The following NTN5 variants were observed in gnomAD, a reference collection of about 807,000 sequenced individuals.
NTN5 encodes netrin-5.
NTN5 carries 42 observed loss-of-function variants against 38.7 expected under a neutral mutation model. The ratio of observed to expected loss-of-function variants is 1.08; its 90% CI spans 0.85 to 1.40. The LOEUF is 1.40. NTN5 is among the 40% of genes most tolerant of loss of function. The pLI is 0.00. For missense variants in NTN5, 658 were observed against 716.5 expected (o/e 0.92, Z 0.93); for synonymous variants, 329 against 303.9 (o/e 1.08, Z -0.86).
At chr19:48,664,457 C>A in intron 3 of NTN5, 122 bp downstream of exon 3, 2 of 1,214,498 alleles carry the variant, frequency 1.6e-6, no homozygotes, top group Non-Finnish European at 2.2e-6. Flanking sequence ...GGCCCAGAGT[C>A]CAGGCCCCCA....
chr19:48,671,097 C>A, intron 1 of NTN5, 91 bp from the exon 2 acceptor site: 1 of 931,504 alleles, frequency 1.1e-6, no homozygotes, highest in Non-Finnish European at 1.5e-6. Context: ...CATTCCACCC[C>A]CAACCCGTCC....
intron 1 of NTN5, among the ~76,000 whole-genome samples, chr19:48,671,913 C>T (rs2031973295): frequency 7.0e-6 from 1 of 143,858 alleles, no homozygotes; most frequent in African/African-American, 2.6e-5. Context: ...GGAGCTGGAA[C>T]CTGGGTGGCT....
chr19:48,669,715 TCACCAC>T lies in NTN5; in HGVS notation c.631+635_631+640del, dbSNP rs1160000937. On this transcript the variant is annotated intron_variant, in intron 2 of 6. Coordinates refer to ENST00000270235, the MANE Select transcript of NTN5 (RefSeq NM_145807.4). ...ACCACCATCATCACCATCACCACCA[TCACCAC>T]CACCACCACCATCACCATCACCACC... Among the ~76,000 whole-genome samples the T allele has an allele frequency of 1.5e-4, 6 of 40,232 alleles. 1 individual carries two copies. The highest frequency in any genetic ancestry group is 1.5e-4 in the Non-Finnish European group (3 of 20,012). 26.4% of individuals were successfully genotyped at this position (40,232 alleles called of 152,430 possible).
At position 48,662,023 on chromosome 19, in the gene NTN5, A is replaced by G. The variant is rs1297178580; in HGVS notation, c.1124T>C (p.Leu375Pro). 2.0e-6 allele frequency: 3 copies of G among 1,483,070 alleles called. No homozygotes were observed. Among genetic ancestry groups the G allele is most frequent in the East Asian group, 2.9e-5 (1 of 34,664 alleles). 91.9% of individuals were successfully genotyped at this position (1,483,070 alleles called of 1,614,324 possible). A position where few individuals can be genotyped will look rare whatever the true frequency, so the allele number is the denominator to read the frequency against. ...TGCCGGGCCCGCCGCCTCGGACGCT[A>G]GCACCTGCGCGCGGAGAACTGTGGG... The part of the protein sequence containing the change: ...QQDHVLRAQV[L>P]ASEAAGPAWQ... The change falls in exon 7 of 7, where the codon CTA becomes CCA. Residue 375 changes from leucine to proline, a missense_variant. Transcript: ENST00000270235.
chr19:48,662,474 AT>A (rs1166743123), intron 6 of NTN5: 11 of 152,876 alleles, frequency 7.2e-5, no homozygotes, highest in Non-Finnish European at 1.3e-4. Flanking sequence ...AAAAACATAA[AT>A]TTTTTTTTTG....
chr19:48,663,959 A>C, intron 4 of NTN5, 145 bp from the exon 5 acceptor site: 2 of 1,134,588 alleles, frequency 1.8e-6, no homozygotes, highest in Non-Finnish European at 2.5e-6. Flanking sequence ...TTCAGGCCCC[A>C]AGCCTCCTTT....
chr19:48,669,700 T>C (rs866438985), intron 2 of NTN5, among the ~76,000 whole-genome samples: 95 of 42,974 alleles, frequency 2.2e-3, no homozygotes, highest in South Asian at 2.5e-3. Flanking sequence ...ACCACCATCA[T>C]CACCATCACC....
chr19:48,671,676 G>A (rs1480714541), intron 1 of NTN5, among the ~76,000 whole-genome samples: 2 of 151,988 alleles, frequency 1.3e-5, no homozygotes, highest in Non-Finnish European at 1.5e-5. Flanking sequence ...GGTGTCTGGC[G>A]GGGGATCAGA....
chr19:48,664,745 G>C lies in NTN5; in HGVS notation c.654C>G (p.Ala218=). Residue 218 remains alanine (A), a synonymous_variant, in exon 3 of 7, where the codon GCC becomes GCG. Transcript: ENST00000270235. ...GCTCAGAGTTGAACCGGCAGCGTCGGGCGTGCTGGTTGCAGGAGCAGGCTA... is the reference window on the plus strand; with the variant it reads ...GCTCAGAGTTGAACCGGCAGCGTCGCGCGTGCTGGTTGCAGGAGCAGGCTA... ...PCLPCSCNQH[A]RRCRFNSELF... is the part of the protein sequence containing the mutation. 6.4e-7 allele frequency: 1 copy of C among 1,573,164 alleles called. No homozygotes were observed. Among genetic ancestry groups the C allele is most frequent in the South Asian group, 1.2e-5 (1 of 86,200 alleles).
intron 1 of NTN5, 40 bp from the exon 2 acceptor site, chr19:48,671,046 G>A (rs770429267): frequency 4.9e-5 from 69 of 1,406,348 alleles, no homozygotes; most frequent in Non-Finnish European, 5.9e-5. Flanking sequence ...GATCTCAGCC[G>A]CAGCCTCTAC....
chr19:48,665,712 A>G (rs1159644438), intron 2 of NTN5, among the ~76,000 whole-genome samples: 22 of 147,046 alleles, frequency 1.5e-4, no homozygotes, highest in African/African-American at 5.3e-4. Flanking sequence ...CCAGGTACTC[A>G]GGAGGCTGAG....
chr19:48,670,647 C>T lies in NTN5; in HGVS notation c.340G>A (p.Ala114Thr), dbSNP rs2031936372. 1.2e-6 allele frequency: 2 copies of T among 1,604,532 alleles called. No homozygotes were observed. The highest frequency in any genetic ancestry group is 1.7e-6 in the Non-Finnish European group (2 of 1,176,376). Residue 114 changes from alanine (A) to threonine (T), a missense_variant, in exon 2 of 7, where the codon GCC becomes ACC. Transcript: ENST00000270235. ...LLWHRPAWPG[A>T]LGGPERVTFH... ...GTCACCCTTTCAGGGCCCCCTAAGG[C>T]CCCAGGCCAGGCGGGCCTGTGCCAC... is the stretch of plus-strand genomic sequence containing the variant.
intron 2 of NTN5, among the ~76,000 whole-genome samples, chr19:48,668,457 G>T (rs980205134): frequency 6.6e-6 from 1 of 152,160 alleles, no homozygotes; most frequent in African/African-American, 2.4e-5. Flanking sequence ...AAAAGATTAG[G>T]TCACTTGCCC....
intron 6 of NTN5, chr19:48,663,228 T>C (rs1200561474): frequency 1.6e-6 from 1 of 645,050 alleles, no homozygotes; most frequent in East Asian, 3.1e-5. Flanking sequence ...GATGAAACTC[T>C]GTAAGCCGAA....
chr19:48,666,873 C>T (rs981827237), intron 2 of NTN5, among the ~76,000 whole-genome samples: 10 of 151,042 alleles, frequency 6.6e-5, no homozygotes, highest in African/African-American at 9.7e-5. Flanking sequence ...TTTTTAAAGA[C>T]GGGGACTCAT....
In NTN5 at chr19:48,661,429, T is replaced by C. The variant is rs754163722; in HGVS notation, c.*248A>G. 5 of 375,794 alleles carry C rather than the reference T, an allele frequency of 1.3e-5. No homozygotes were observed. Among genetic ancestry groups the C allele is most frequent in the South Asian group, 6.2e-5 (1 of 16,072 alleles). 23.3% of individuals were successfully genotyped at this position (375,794 alleles called of 1,614,324 possible). A position where few individuals can be genotyped will look rare whatever the true frequency, so the allele number is the denominator to read the frequency against. On this transcript the variant is annotated 3_prime_UTR_variant, in exon 7 of 7. Coordinates refer to ENST00000270235, the MANE Select transcript of NTN5 (RefSeq NM_145807.4). ...AAATTCCCAAAGATTTGAGACTTTA[T>C]TGGGGGAAACAGATCACTGGCGGGG...
intron 2 of NTN5, among the ~76,000 whole-genome samples, chr19:48,668,336 T>C (rs10414737): frequency 0.26 from 39,885 of 152,068 alleles, 7,133 homozygotes; most frequent in African/African-American, 0.51. Context: ...AGGTACCACA[T>C]TGGGCTTTAT....
At chr19:48,672,601 C>T (rs1050573417) in intron 1 of NTN5, among the ~76,000 whole-genome samples, 3 of 152,066 alleles carry the variant, frequency 2.0e-5, no homozygotes, top group Non-Finnish European at 4.4e-5. Context: ...GCCTGCCTGG[C>T]CCTCAGCAGC....
rs1449540152 is a variant in NTN5 at position 48,661,726 on chromosome 19, C to T, written c.1421G>A (p.Gly474Asp). The change falls in exon 7 of 7, where the codon GGC (glycine) becomes GAC (aspartate). Residue 474 changes from glycine (G) to aspartate (D), a missense_variant. Transcript: ENST00000270235. ...TGTGGGTGCCCGCACGCCGCGGCAG[C>T]CTCCGGCGCGCTCCTCCTGCTGCAG... Reference protein sequence around the residue: ...KRLQQEERAGGCRGVRAPTPS... With the variant: ...KRLQQEERAGDCRGVRAPTPS... 5.2e-6 allele frequency: 8 copies of T among 1,549,730 alleles called. No homozygotes were observed. In the African/African-American group the frequency reaches 9.9e-5, roughly 19 times the overall value.
Sources: allele counts gnomAD v4.1 joint callset (sites outside exome capture counted in the v4.1 genomes callset), GRCh38; gene constraint gnomAD v4.1.1; transcripts MANE v1.5; gene names NCBI Gene and HGNC (gene_info 2026-07-23, HGNC 2026-07-21).